The following FGFR4 variants were observed in gnomAD, a reference collection of about 807,000 sequenced individuals.
FGFR4 encodes hydroxyaryl-protein kinase.
In FGFR4, 63 loss-of-function variants were observed where a neutral mutation model predicts 89.9. The ratio of observed to expected loss-of-function variants is 0.70; its 90% CI spans 0.57 to 0.86. FGFR4 has a LOEUF of 0.86. Among genes scored for constraint, FGFR4 ranks in the 40% least tolerant of loss-of-function variants. FGFR4 has a pLI of 0.00. For synonymous variants in FGFR4, 486 were observed against 479.4 expected, an observed-to-expected ratio of 1.01 and a Z score of -0.18; for missense variants, 928 against 1,106.7, an observed-to-expected ratio of 0.84 and a Z score of 2.29.
Position 177,095,273 on chromosome 5 carries a change from C to A in FGFR4, c.1520-57C>A. ...GCTGCTTGTCCTGCACCTGCCTCTG[C>A]ATGCTCCCTCGTGCAGTTGGAGGGC... On this transcript the variant is annotated intron_variant, in intron 11 of 17. Coordinates refer to ENST00000292408, the MANE Select transcript of FGFR4 (RefSeq NM_213647.3). The surrounding 1 kb of genome is among the most constrained non-coding windows in gnomAD (Gnocchi z 5.7). 7.0e-7 allele frequency: 1 copy of A among 1,419,782 alleles called. No homozygotes were observed. The allele number at this position is 1,419,782 out of a possible 1,614,324, so 87.9% of individuals were successfully genotyped here.
Position 177,095,946 on chromosome 5 carries a change from C to A in FGFR4, c.1822-111C>A, listed in dbSNP as rs1784544478. On this transcript the variant is annotated intron_variant, in intron 13 of 17. Coordinates refer to ENST00000292408, the MANE Select transcript of FGFR4 (RefSeq NM_213647.3). The surrounding 1 kb of genome is among the most constrained non-coding windows in gnomAD (Gnocchi z 5.7). Reference sequence around the variant, plus strand: ...ACTCCCCGTTTCTAAACCTTGACCTCCTCCTCTGTAAAGTGGGTGGAGGGC... The same window carrying A: ...ACTCCCCGTTTCTAAACCTTGACCTACTCCTCTGTAAAGTGGGTGGAGGGC... The A allele has an allele frequency of 1.4e-6, 2 of 1,444,490 alleles. No homozygotes were observed. The highest frequency in any genetic ancestry group is 2.4e-5 in the East Asian group (1 of 41,100). The allele number at this position is 1,444,490 out of a possible 1,614,324, so 89.5% of individuals were successfully genotyped here.
At position 177,097,578 on chromosome 5, in the gene FGFR4, G is replaced by A. The variant is rs1581063655; in HGVS notation, c.2311G>A (p.Ala771Thr). The part of the protein sequence containing the change: ...FGPYSPSGGD[A>T]SSTCSSSDSV... The stretch of plus-strand genomic sequence containing the variant: ...ACCCTATTCCCCCTCTGGTGGGGAC[G>A]CCAGCAGCACCTGCTCCTCCAGCGA... Residue 771 changes from alanine (A) to threonine (T), a missense_variant, in exon 18 of 18, where the codon GCC becomes ACC. This residue lies in a region of FGFR4 where 129 missense variants were observed against 150.8 expected (regional missense o/e 0.86). Transcript: ENST00000292408. 6.2e-6 allele frequency: 10 copies of A among 1,614,020 alleles called. No homozygotes were observed. Among genetic ancestry groups the A allele is most frequent in the African/African-American group, 2.7e-5 (2 of 75,036 alleles).
rs753386491 is a variant in FGFR4 at position 177,092,630 on chromosome 5, A to T, written c.919-16A>T. On this transcript the variant is annotated splice_polypyrimidine_tract_variant and intron_variant, in intron 7 of 17. Coordinates refer to ENST00000292408, the MANE Select transcript of FGFR4 (RefSeq NM_213647.3). ...CCAGGCCCTGCTGTGACCCCAGAGCATGTCCCCCACCCCAGACTGCAGACA... is the reference window on the plus strand; with the variant it reads ...CCAGGCCCTGCTGTGACCCCAGAGCTTGTCCCCCACCCCAGACTGCAGACA... 3 of 1,595,262 alleles carry T rather than the reference A, an allele frequency of 1.9e-6. No individual in the cohort carries two copies. Among genetic ancestry groups the T allele is most frequent in the Non-Finnish European group, 1.7e-6 (2 of 1,166,558 alleles).
In FGFR4 at chr5:177,092,474, T is replaced by C; in HGVS notation, c.881T>C (p.Phe294Ser). 1 of 1,596,386 alleles carries C rather than the reference T, an allele frequency of 6.3e-7. No individual in the cohort carries two copies. The highest frequency in any genetic ancestry group is 8.5e-7 in the Non-Finnish European group (1 of 1,171,054). The stretch of plus-strand genomic sequence containing the variant: ...CACATCGTCATCAACGGCAGCAGCT[T>C]CGGAGCCGACGGTTTCCCCTATGTG... ...LKHIVINGSS[F>S]GADGFPYVQV... The change falls in exon 7 of 18, where the codon TTC becomes TCC. Residue 294 changes from phenylalanine (F) to serine (S), a missense_variant. Phe to Ser is a radical substitution (Grantham distance 155). Transcript: ENST00000292408.
rs138935913 is a variant in FGFR4, at chr5:177,097,355, G to A, written c.2217G>A (p.Leu739=). The A allele has an allele frequency of 4.8e-5, 77 of 1,612,128 alleles. No individual in the cohort carries two copies. Among genetic ancestry groups the A allele is most frequent in the Middle Eastern group, 1.7e-4 (1 of 5,930 alleles). Residue 739 remains leucine, a synonymous_variant, in exon 17 of 18, where the codon CTG becomes CTA. Transcript: ENST00000292408. Reference sequence around the variant, plus strand: ...CCCAGAGGCCTACCTTCAAGCAGCTGGTGGAGGCGCTGGACAAGGTCCTGC... The same window carrying A: ...CCCAGAGGCCTACCTTCAAGCAGCTAGTGGAGGCGCTGGACAAGGTCCTGC... ...APSQRPTFKQ[L]VEALDKVLLA...
intron 15 of FGFR4, 26 bp downstream of exon 15, chr5:177,096,383 C>G: frequency 6.2e-7 from 1 of 1,612,974 alleles, no homozygotes; most frequent in Non-Finnish European, 8.5e-7. Flanking sequence ...GGTCACTGTC[C>G]TACCCCACAA....
intron 17 of FGFR4, 37 bp from the exon 18 acceptor site, chr5:177,097,490 G>C (rs749619542): frequency 6.3e-7 from 1 of 1,592,994 alleles, no homozygotes; most frequent in East Asian, 2.3e-5. Context: ...GTCCCATCCC[G>C]GGCGCTGCAG....
chr5:177,089,188 A>G (rs1298220695), intron 1 of FGFR4, among the ~76,000 whole-genome samples: 2 of 152,176 alleles, frequency 1.3e-5, no homozygotes, highest in African/African-American at 4.8e-5. Flanking sequence ...TCTGCAATCA[A>G]TTCATTTATT....
At chr5:177,091,899 A>T (rs1784381130) in intron 6 of FGFR4, 91 bp downstream of exon 6, 1 of 1,539,332 alleles carries the variant, frequency 6.5e-7, no homozygotes, top group African/African-American at 1.4e-5. Flanking sequence ...GGCAGGATGG[A>T]CTCAGATGAG....
rs749756260 is a variant in FGFR4, at chr5:177,091,785, A to G, written c.704A>G (p.Tyr235Cys). 5 of 1,614,192 alleles carry G rather than the reference A, an allele frequency of 3.1e-6. No individual in the cohort carries two copies. The highest frequency in any genetic ancestry group is 3.3e-5 in the Admixed American group (2 of 60,024). ...LVENAVGSIR[Y>C]NYLLDVLERS... ...GAGAACGCTGTGGGCAGCATCCGCTATAACTACCTGCTAGATGTGCTGGGT... is the reference window on the plus strand; with the variant it reads ...GAGAACGCTGTGGGCAGCATCCGCTGTAACTACCTGCTAGATGTGCTGGGT... The change falls in exon 6 of 18, where the codon TAT becomes TGT. Residue 235 changes from tyrosine to cysteine, a missense_variant. Physicochemically the swap from Tyr to Cys is radical, Grantham distance 194. Coordinates refer to ENST00000292408, the MANE Select transcript of FGFR4 (RefSeq NM_213647.3).
chr5:177,091,161 C>T, intron 5 of FGFR4, 57 bp downstream of exon 5: 1 of 1,478,936 alleles, frequency 6.8e-7, no homozygotes, highest in Non-Finnish European at 9.0e-7. Context: ...TTCATCAGTC[C>T]CCTCATACCT....
intron 11 of FGFR4, among the ~76,000 whole-genome samples, chr5:177,094,011 C>A (rs547819235): frequency 7.2e-5 from 11 of 152,042 alleles, no homozygotes; most frequent in Middle Eastern, 3.4e-3. Context: ...TTGGAGGTTG[C>A]AGGGAGCCAT....
chr5:177,089,459 T>C (rs980456760), intron 1 of FGFR4, 91 bp from the exon 2 acceptor site: 1 of 1,407,328 alleles, frequency 7.1e-7, no homozygotes, highest in African/African-American at 1.4e-5. Flanking sequence ...TGCTGGCCAC[T>C]TCCTGTCTCA....
chr5:177,089,751 G>A, intron 2 of FGFR4, 58 bp downstream of exon 2: 3 of 1,581,934 alleles, frequency 1.9e-6, no homozygotes, highest in East Asian at 2.3e-5. Flanking sequence ...CACCAGGAGG[G>A]GGCTGCTGGG....
Position 177,092,702 on chromosome 5 carries a change from C to T in FGFR4, c.975C>T (p.Ala325=), listed in dbSNP as rs760917716. 26 of 1,614,006 alleles carry T rather than the reference C, an allele frequency of 1.6e-5. No homozygotes were observed. Among genetic ancestry groups the T allele is most frequent in the Non-Finnish European group, 2.1e-5 (25 of 1,179,938 alleles). ...VEVLYLRNVS[A]EDAGEYTCLA... is the part of the protein sequence containing the mutation. ...TCCTGTACCTGCGGAACGTGTCAGC[C>T]GAGGACGCAGGCGAGTACACCTGCC... is the stretch of plus-strand genomic sequence containing the variant. The change falls in exon 8 of 18, where the codon GCC becomes GCT. Residue 325 remains alanine, a synonymous_variant. Coordinates refer to ENST00000292408, the MANE Select transcript of FGFR4 (RefSeq NM_213647.3).
rs998774570 is a variant in FGFR4, at chr5:177,095,982, G to A, written c.1822-75G>A. The A allele has an allele frequency of 2.1e-5, 33 of 1,546,572 alleles. No homozygotes were observed. The highest frequency in any genetic ancestry group is 1.5e-4 in the African/African-American group (11 of 73,526). Reference sequence around the variant, plus strand: ...AAGTGGGTGGAGGGCCCCTGCCCCCGGGCCTGCTGGGGGGTGGTGTGTGCT... The same window carrying A: ...AAGTGGGTGGAGGGCCCCTGCCCCCAGGCCTGCTGGGGGGTGGTGTGTGCT... On this transcript the variant is annotated intron_variant, in intron 13 of 17. Coordinates refer to ENST00000292408, the MANE Select transcript of FGFR4 (RefSeq NM_213647.3). The surrounding 1 kb of genome is among the most constrained non-coding windows in gnomAD (Gnocchi z 5.7).
rs1581064215 is a variant in FGFR4 at position 177,097,806 on chromosome 5, GGCCGT to G, written c.*134_*138del. 8.3e-6 allele frequency: 10 copies of G among 1,202,878 alleles called. No homozygotes were observed. In the East Asian group the frequency reaches 2.5e-4, roughly 31 times the overall value. The allele number at this position is 1,202,878 out of a possible 1,614,324, so 74.5% of individuals were successfully genotyped here. ...CCAGAGTTGCTGTGCCGTGTCCAAG[GGCCGT>G]GCCCTTGCCCTTGGAGCTGCCGTGC... On this transcript the variant is annotated 3_prime_UTR_variant, in exon 18 of 18. Coordinates refer to ENST00000292408, the MANE Select transcript of FGFR4 (RefSeq NM_213647.3).
Position 177,098,087 on chromosome 5 carries a change from G to A in FGFR4, c.*411G>A, listed in dbSNP as rs1025808574. On this transcript the variant is annotated 3_prime_UTR_variant, in exon 18 of 18. Coordinates refer to ENST00000292408, the MANE Select transcript of FGFR4 (RefSeq NM_213647.3). The surrounding 1 kb of genome is among the most constrained non-coding windows in gnomAD (Gnocchi z 4.5). ...AGAAGCTGGAAGCCTGCCGAAAACA[G>A]GAGCAAATGGCGTTTTATAAATTAT... 3.6e-5 allele frequency: 9 copies of A among 247,794 alleles called. No homozygotes were observed. The highest frequency in any genetic ancestry group is 7.0e-5 in the Non-Finnish European group (9 of 129,090). 15.3% of individuals were successfully genotyped at this position (247,794 alleles called of 1,614,324 possible).
In FGFR4 at chr5:177,091,692, A is replaced by G. The variant is rs1487657736; in HGVS notation, c.611A>G (p.His204Arg). 1 of 1,614,142 alleles carries G rather than the reference A, an allele frequency of 6.2e-7. No homozygotes were observed. Among genetic ancestry groups the G allele is most frequent in the Non-Finnish European group, 8.5e-7 (1 of 1,180,016 alleles). Reference sequence around the variant, plus strand: ...CACTCTCTCTGCCTGCAGCTGCGCCATCAGCACTGGAGTCTCGTGATGGAG... The same window carrying G: ...CACTCTCTCTGCCTGCAGCTGCGCCGTCAGCACTGGAGTCTCGTGATGGAG... ...ENRIGGIRLR[H>R]QHWSLVMESV... Residue 204 changes from histidine to arginine, a missense_variant, in exon 6 of 18, where the codon CAT (histidine) becomes CGT (arginine). This residue lies in a region of FGFR4 where 741 missense variants were observed against 836.9 expected (regional missense o/e 0.89). Transcript: ENST00000292408.
Sources: gnomAD v4.1 joint callset for allele counts (sites outside exome capture counted in the v4.1 genomes callset) on GRCh38, gnomAD v4.1.1 for gene constraint, gnomAD v4.1.1 regional missense constraint, Gnocchi (gnomAD v3.1) non-coding constraint, MANE v1.5 for transcripts, NCBI Gene and HGNC (gene_info 2026-07-23, HGNC 2026-07-21) for gene names.